Variants in GPC5 observed in about 807,000 individuals in gnomAD.
GPC5 encodes glypican 5.
In GPC5, 47 loss-of-function variants were observed where a neutral mutation model predicts 53.9. That is an observed-to-expected ratio of 0.87 (90% CI 0.69 to 1.11). The LOEUF (loss-of-function observed/expected upper bound fraction) is 1.11. Ranked by LOEUF, GPC5 falls within the 50% of genes most tolerant of loss-of-function variation. The probability of loss-of-function intolerance (pLI) is 0.00; values close to 1 mark genes in which losing one functional copy is unlikely to be tolerated. For missense variants in GPC5, 748 were observed against 713.1 expected, an observed-to-expected ratio of 1.05 and a Z score of -0.56; for synonymous variants, 286 against 263.3, an observed-to-expected ratio of 1.09 and a Z score of -0.84.
At chr13:91,523,579 G>A (rs927738618) in intron 2 of GPC5, among the ~76,000 whole-genome samples, 6 of 152,176 alleles carry the variant, frequency 3.9e-5, no homozygotes, top group African/African-American at 1.4e-4. Flanking sequence ...CATGGATGGG[G>A]TTTAGAATTG....
intron 7 of GPC5, among the ~76,000 whole-genome samples, chr13:92,746,899 G>T (rs1889253561): frequency 6.6e-6 from 1 of 152,100 alleles, no homozygotes; most frequent in Admixed American, 6.6e-5. Context: ...ATTATAGAGT[G>T]TACTTACACA....
chr13:91,621,088 T>C (rs563063766), intron 2 of GPC5, among the ~76,000 whole-genome samples: 2 of 152,230 alleles, frequency 1.3e-5, no homozygotes, highest in South Asian at 4.1e-4. Flanking sequence ...TGTGGGGAGA[T>C]AGTCCAGATC....
At position 92,820,050 on chromosome 13, in the gene GPC5, G is replaced by A. The variant is rs776523222; in HGVS notation, c.1562-46232G>A. ...CTCTCTGAACATCTCACTAATACCC[G>A]ATTACTGTCTACTAACGAATGCTCG... On this transcript the variant is annotated intron_variant, in intron 7 of 7. Transcript: ENST00000377067. 1.6e-4 allele frequency among the ~76,000 whole-genome samples: 24 copies of A among 151,954 alleles called. 1 individual carries two copies. The highest frequency in any genetic ancestry group is 1.0e-3 in the South Asian group (5 of 4,794).
chr13:92,122,024 C>A (rs1406908892), intron 6 of GPC5, among the ~76,000 whole-genome samples: 1 of 152,192 alleles, frequency 6.6e-6, no homozygotes, highest in African/African-American at 2.4e-5. Context: ...CGACAAATCA[C>A]ACATCTACAG....
At chr13:92,024,074 G>A (rs2040781458) in intron 6 of GPC5, among the ~76,000 whole-genome samples, 1 of 152,014 alleles carries the variant, frequency 6.6e-6, no homozygotes, top group South Asian at 2.1e-4. Context: ...AGAATTTAAG[G>A]CTATATTCTG....
intron 7 of GPC5, among the ~76,000 whole-genome samples, chr13:92,618,391 A>G (rs995765884): frequency 2.6e-5 from 4 of 152,106 alleles, no homozygotes; most frequent in African/African-American, 9.6e-5. Context: ...GCTTAACTTC[A>G]GTCACTCTTT....
At chr13:92,158,839 G>A (rs1311004946) in intron 7 of GPC5, among the ~76,000 whole-genome samples, 2 of 152,158 alleles carry the variant, frequency 1.3e-5, no homozygotes, top group South Asian at 2.1e-4. Context: ...TCTAAGGAGA[G>A]GAGGCTGGTT....
chr13:91,963,035 A>G (rs1265534703), intron 6 of GPC5, among the ~76,000 whole-genome samples: 2 of 152,148 alleles, frequency 1.3e-5, no homozygotes, highest in African/African-American at 4.8e-5. Context: ...CTCTGGGGTC[A>G]GCCCACTTGA....
At chr13:92,115,438 G>A (rs140375915) in intron 6 of GPC5, among the ~76,000 whole-genome samples, 54 of 152,162 alleles carry the variant, frequency 3.5e-4, no homozygotes, top group African/African-American at 1.3e-3. Context: ...CACGGGAGGC[G>A]GAGGTTGCAG....
At chr13:91,952,223 A>C (rs1473818929) in intron 6 of GPC5, among the ~76,000 whole-genome samples, 1 of 150,574 alleles carries the variant, frequency 6.6e-6, no homozygotes, top group Non-Finnish European at 1.5e-5. Flanking sequence ...ATTTGTGCAT[A>C]CTTGTGCTCC....
chr13:91,804,084 G>A (rs570373265), intron 5 of GPC5, among the ~76,000 whole-genome samples: 1 of 152,188 alleles, frequency 6.6e-6, no homozygotes, highest in African/African-American at 2.4e-5. Flanking sequence ...GAAGAGAGAT[G>A]AAGATCTCAT....
intron 5 of GPC5, among the ~76,000 whole-genome samples, chr13:91,809,502 A>G (rs981817718): frequency 6.6e-6 from 1 of 152,126 alleles, no homozygotes; most frequent in Non-Finnish European, 1.5e-5. Context: ...TGGAACTATA[A>G]TGGCCTTGTT....
chr13:91,804,823 A>T (rs577056720), intron 5 of GPC5, among the ~76,000 whole-genome samples: 1 of 152,152 alleles, frequency 6.6e-6, no homozygotes, highest in East Asian at 1.9e-4. Flanking sequence ...TTTACTGGAG[A>T]TGTGTGCATG....
At chr13:91,556,768 A>G (rs2030980163) in intron 2 of GPC5, among the ~76,000 whole-genome samples, 1 of 151,958 alleles carries the variant, frequency 6.6e-6, no homozygotes, top group South Asian at 2.1e-4. Context: ...GAGCTAAGCT[A>G]TGAGGATGCA....
At chr13:92,244,160 A>G (rs927466651) in intron 7 of GPC5, among the ~76,000 whole-genome samples, 1 of 152,174 alleles carries the variant, frequency 6.6e-6, no homozygotes, top group Admixed American at 6.6e-5. Flanking sequence ...TTTGAACTTC[A>G]GGCCTTAGTA....
rs897344849 is a variant in GPC5, at chr13:91,878,269, A to C, written c.1281-29668A>C. ...CCCTCATAGTTATAACACTATTTTC[A>C]ATATTTTTTATTTGCTCTCCTACAT... On this transcript the variant is annotated intron_variant, in intron 5 of 7. Transcript: ENST00000377067. Among the ~76,000 whole-genome samples, 6 of 152,294 alleles carry C rather than the reference A, an allele frequency of 3.9e-5. 1 individual carries two copies. In the South Asian group the frequency reaches 1.2e-3, roughly 32 times the overall value.
chr13:92,658,588 G>C (rs926453364), intron 7 of GPC5, among the ~76,000 whole-genome samples: 1 of 152,150 alleles, frequency 6.6e-6, no homozygotes, highest in African/African-American at 2.4e-5. Flanking sequence ...AGCGTTAAGA[G>C]CTGCTATTTT....
intron 7 of GPC5, among the ~76,000 whole-genome samples, chr13:92,226,438 TTAATAC>T (rs1161332588): frequency 6.6e-6 from 1 of 152,102 alleles, no homozygotes; most frequent in African/African-American, 2.4e-5. Context: ...ACCTACAACT[TTAATAC>T]TACAACTTTT....
intron 7 of GPC5, among the ~76,000 whole-genome samples, chr13:92,386,132 G>A (rs1312527168): frequency 2.0e-5 from 3 of 151,826 alleles, no homozygotes; most frequent in Non-Finnish European, 4.4e-5. Flanking sequence ...GAAAGTTATG[G>A]TCCGTGAAAA....
Sources: allele counts gnomAD v4.1 joint callset (sites outside exome capture counted in the v4.1 genomes callset), GRCh38; gene constraint gnomAD v4.1.1; transcripts MANE v1.5; gene names NCBI Gene and HGNC (gene_info 2026-07-23, HGNC 2026-07-21).